Variants in PAGE1 observed in about 807,000 individuals in gnomAD.
PAGE1 encodes P antigen family member 1.
PAGE1 carries 6 observed loss-of-function variants against 11.5 expected under a neutral mutation model. The observed-to-expected ratio is 0.52, with a 90% confidence interval of 0.29 to 1.03. The LOEUF (loss-of-function observed/expected upper bound fraction) is 1.03, where lower values mean the gene tolerates loss of function less well. PAGE1 is among the 50% of genes least tolerant of loss of function. The probability of loss-of-function intolerance (pLI) is 0.09; values close to 1 mark genes in which losing one functional copy is unlikely to be tolerated. For synonymous variants in PAGE1, 42 were observed against 40.2 expected, an observed-to-expected ratio of 1.05 and a Z score of -0.17; for missense variants, 120 against 110.2, an observed-to-expected ratio of 1.09 and a Z score of -0.40.
Position 49,689,485 on chromosome X carries a change from G to A in PAGE1, c.351C>T (p.Arg117=), listed in dbSNP as rs142092591. 3.7e-5 allele frequency: 38 copies of A among 1,016,099 alleles called. No individual in the cohort carries two copies. In the East Asian group the frequency reaches 6.5e-4, roughly 18 times the overall value. 83.7% of individuals were successfully genotyped at this position (1,016,099 alleles called of 1,213,427 possible). ...EQVHPKTGCE[R]GDGPDVQELG... ...ACTCCTGGACATCAGGACCATCTCC[G>A]CGCTCACACCCAGTCTTCGGGTGAA... Residue 117 remains arginine (R), a synonymous_variant, in exon 5 of 6, where the codon CGC becomes CGT. Coordinates refer to ENST00000376150, the MANE Select transcript of PAGE1 (RefSeq NM_003785.4).
intron 4 of PAGE1, 45 bp from the exon 5 acceptor site, chrX:49,689,588 A>ATATATATG (rs1311676215): frequency 1.8e-5 from 1 of 55,450 alleles, no homozygotes; most frequent in African/African-American, 1.3e-4. Context: ...ATATATATAT[A>ATATATATG]TATATATATA....
intron 4 of PAGE1, among the ~76,000 whole-genome samples, chrX:49,690,070 CATATATATGTGTATATATGTGT>C (rs2066912667): frequency 1.7e-5 from 1 of 59,189 alleles, no homozygotes; most frequent in Non-Finnish European, 3.0e-5. Context: ...TATATACACA[CATATATATGTGTATATATGTGT>C]ATATATGTGT....
chrX:49,694,065 C>A, intron 3 of PAGE1, 34 bp downstream of exon 3: 1 of 842,432 alleles, frequency 1.2e-6, no homozygotes, highest in Non-Finnish European at 1.7e-6. Context: ...CACACACACA[C>A]CCCAACAGGC....
At position 49,687,495 on chromosome X, in the gene PAGE1, A is replaced by G; in HGVS notation, c.*46T>C. Reference sequence around the variant, plus strand: ...TTTATTGGGAGAATTTTAATGGTCAAATTTCCAACACAGGAGCAGCCTGAA... The same window carrying G: ...TTTATTGGGAGAATTTTAATGGTCAGATTTCCAACACAGGAGCAGCCTGAA... On this transcript the variant is annotated 3_prime_UTR_variant, in exon 6 of 6. Coordinates refer to ENST00000376150, the MANE Select transcript of PAGE1 (RefSeq NM_003785.4). 1 of 1,175,771 alleles carries G rather than the reference A, an allele frequency of 8.5e-7. No individual in the cohort carries two copies. Among genetic ancestry groups the G allele is most frequent in the Non-Finnish European group, 1.2e-6 (1 of 863,575 alleles).
intron 4 of PAGE1, among the ~76,000 whole-genome samples, chrX:49,690,940 G>C (rs782447231): frequency 9.0e-6 from 1 of 111,387 alleles, no homozygotes; most frequent in East Asian, 2.8e-4. Context: ...GACTTTGGGA[G>C]GCTAAGCTGG....
chrX:49,693,867 T>C (rs946671886), intron 3 of PAGE1, among the ~76,000 whole-genome samples: 3 of 111,154 alleles, frequency 2.7e-5, no homozygotes, highest in African/African-American at 9.8e-5. Context: ...GCCTCCATTC[T>C]CTCATTCATA....
chrX:49,687,530 C>CGT lies in PAGE1; in HGVS notation c.*9_*10dup, dbSNP rs781855241. Reference sequence around the variant, plus strand: ...ACAGGAGCAGCCTGAACCATTTCAGCGTGTCTTCTTTTAAGGCTGTGATTG... The same window carrying CGT: ...ACAGGAGCAGCCTGAACCATTTCAGCGTGTGTCTTCTTTTAAGGCTGTGATTG... On this transcript the variant is annotated 3_prime_UTR_variant, in exon 6 of 6. Transcript: ENST00000376150. 38 of 1,200,714 alleles carry CGT rather than the reference C, an allele frequency of 3.2e-5. No homozygotes were observed. The highest frequency in any genetic ancestry group is 2.3e-4 in the Middle Eastern group (1 of 4,341).
At chrX:49,694,023 C>CACACAG in intron 3 of PAGE1, 76 bp downstream of exon 3, 1 of 111,535 alleles carries the variant, frequency 9.0e-6, no homozygotes, top group South Asian at 2.1e-4. Flanking sequence ...ATGCATGAGA[C>CACACAG]ACACACACAC....
chrX:49,689,000 G>T (rs1309529741), intron 5 of PAGE1, among the ~76,000 whole-genome samples: 2 of 111,447 alleles, frequency 1.8e-5, no homozygotes, highest in Non-Finnish European at 3.8e-5. Flanking sequence ...CTTTATATAA[G>T]AATTCTATTA....
At position 49,694,676 on chromosome X, in the gene PAGE1, G is replaced by A. The variant is rs782159060; in HGVS notation, c.63+32C>T. ...TGCTAATAGAAAACATCGAATTAACGTTAAAGCACTCAACAGCATAGGCCC... is the reference window on the plus strand; with the variant it reads ...TGCTAATAGAAAACATCGAATTAACATTAAAGCACTCAACAGCATAGGCCC... On this transcript the variant is annotated intron_variant, in intron 2 of 5. Coordinates refer to ENST00000376150, the MANE Select transcript of PAGE1 (RefSeq NM_003785.4). 9 of 1,027,610 alleles carry A rather than the reference G, an allele frequency of 8.8e-6. No individual in the cohort carries two copies. In the East Asian group the frequency reaches 9.2e-5, roughly 11 times the overall value. The allele number at this position is 1,027,610 out of a possible 1,213,427, so 84.7% of individuals were successfully genotyped here.
intron 5 of PAGE1, 99 bp from the exon 6 acceptor site, chrX:49,687,662 A>G: frequency 1.5e-5 from 11 of 749,370 alleles, no homozygotes; most frequent in Non-Finnish European, 2.2e-5. Flanking sequence ...GGTTTTATAA[A>G]ATGGACTAAA....
At position 49,693,856 on chromosome X, in the gene PAGE1, G is replaced by C. The variant is rs781874940; in HGVS notation, c.166+243C>G. Among the ~76,000 whole-genome samples, 6 of 110,625 alleles carry C rather than the reference G, an allele frequency of 5.4e-5. No homozygotes were observed. The East Asian group carries it at 1.7e-3, about 31-fold the overall frequency. Reference sequence around the variant, plus strand: ...GTTCTTGGACAAAACACAATCCCCGGGCCTCCATTCTCTCATTCATAAAGT... The same window carrying C: ...GTTCTTGGACAAAACACAATCCCCGCGCCTCCATTCTCTCATTCATAAAGT... On this transcript the variant is annotated intron_variant, in intron 3 of 5. Transcript: ENST00000376150.
At chrX:49,689,578 AT>A (rs1557141569) in intron 4 of PAGE1, 35 bp from the exon 5 acceptor site, 53 of 20,782 alleles carry the variant, frequency 2.6e-3, no homozygotes, top group Non-Finnish European at 3.9e-3. Context: ...AAAAAAAAAT[AT>A]ATATATATAT....
rs1557142563 is a variant in PAGE1, at chrX:49,694,158, T to C, written c.107A>G (p.Gln36Arg). The C allele has an allele frequency of 5.0e-6, 6 of 1,190,723 alleles. No individual in the cohort carries two copies. ...EQPDEVESPTQSQDSTPAEER... is the reference protein window; with the variant it reads ...EQPDEVESPTRSQDSTPAEER... ...TTCAGCAGGTGTAGAATCCTGACTT[T>C]GAGTTGGTGATTCCACTTCGTCAGG... The change falls in exon 3 of 6, where the codon CAA becomes CGA. Residue 36 changes from glutamine (Q) to arginine (R), a missense_variant. Transcript: ENST00000376150.
At chrX:49,689,716 GTATATA>G (rs1557141710) in intron 4 of PAGE1, among the ~76,000 whole-genome samples, 173 bp from the exon 5 acceptor site, 4 of 54,094 alleles carry the variant, frequency 7.4e-5, no homozygotes, top group African/African-American at 2.3e-4. Context: ...GTGTATATAT[GTATATA>G]TGTATATATA....
intron 3 of PAGE1, among the ~76,000 whole-genome samples, chrX:49,691,695 G>C (rs972720552): frequency 1.8e-5 from 2 of 111,600 alleles, no homozygotes; most frequent in African/African-American, 6.5e-5. Context: ...TCTCTCATTA[G>C]CATTTAGACT....
At chrX:49,693,925 G>A (rs1557142498) in intron 3 of PAGE1, among the ~76,000 whole-genome samples, 174 bp downstream of exon 3, 1 of 109,393 alleles carries the variant, frequency 9.1e-6, no homozygotes. Flanking sequence ...CCTAAGGTAA[G>A]CTGCAAACTA....
chrX:49,693,057 T>A (rs377642743), intron 3 of PAGE1, among the ~76,000 whole-genome samples: 24 of 112,031 alleles, frequency 2.1e-4, no homozygotes, highest in African/African-American at 7.1e-4. Context: ...GGATTTCAGT[T>A]ACAATTACAG....
chrX:49,690,423 A>C (rs2066915916), intron 4 of PAGE1, among the ~76,000 whole-genome samples: 1 of 109,566 alleles, frequency 9.1e-6, no homozygotes, highest in Non-Finnish European at 1.9e-5. Flanking sequence ...TATCATATTA[A>C]ATGACTCAAG....
Sources: allele counts gnomAD v4.1 joint callset (sites outside exome capture counted in the v4.1 genomes callset), GRCh38; gene constraint gnomAD v4.1.1; transcripts MANE v1.5; gene names NCBI Gene and HGNC (gene_info 2026-07-23, HGNC 2026-07-21).